Variants in LAMA2 observed in about 807,000 individuals in gnomAD.
LAMA2 encodes laminin subunit alpha-2.
In LAMA2, 269 loss-of-function variants were observed where a neutral mutation model predicts 364.8. That is an observed-to-expected ratio of 0.74 (90% CI 0.67 to 0.82). The LOEUF is 0.82. Among genes scored for constraint, LAMA2 ranks in the 40% least tolerant of loss-of-function variants. The pLI, the probability that LAMA2 is intolerant of heterozygous loss-of-function variation, is 0.00. For missense variants in LAMA2, 3,807 were observed against 3,873.2 expected (o/e 0.98, Z 0.45); for synonymous variants, 1,379 against 1,370.6 (o/e 1.01, Z -0.14).
Position 129,516,223 on chromosome 6 carries a change from T to A in LAMA2, c.9245T>A (p.Ile3082Asn), listed in dbSNP as rs772362189. Residue 3082 changes from isoleucine (I) to asparagine (N), a missense_variant, in exon 65 of 65, where the codon ATT becomes AAT. Ile to Asn is a moderately radical substitution (Grantham distance 149). Transcript: ENST00000421865. ...DLKQFGLTTS[I>N]PFRGCIRSLK... ...AAGCAGTTTGGCCTAACAACCAGTATTCCGTTCCGAGGTTGCATCAGATCC... is the reference window on the plus strand; with the variant it reads ...AAGCAGTTTGGCCTAACAACCAGTAATCCGTTCCGAGGTTGCATCAGATCC... 2 of 1,614,108 alleles carry A rather than the reference T, an allele frequency of 1.2e-6. No individual in the cohort carries two copies. Among genetic ancestry groups the A allele is most frequent in the Middle Eastern group, 1.6e-4 (1 of 6,062 alleles).
At chr6:129,088,320 G>C (rs1010967705) in intron 3 of LAMA2, among the ~76,000 whole-genome samples, 1 of 151,882 alleles carries the variant, frequency 6.6e-6, no homozygotes, top group Non-Finnish European at 1.5e-5. Context: ...GCAACAATCT[G>C]ATTTCTCTAT....
chr6:129,456,330 T>G lies in LAMA2; in HGVS notation c.6708-5T>G. ...TCCCCTTCACTTCAACACGTACCCTTGAAGAACTGGGAGAAATGGAACTAT... is the reference window on the plus strand; with the variant it reads ...TCCCCTTCACTTCAACACGTACCCTGGAAGAACTGGGAGAAATGGAACTAT... On this transcript the variant is annotated splice_polypyrimidine_tract_variant and splice_region_variant and intron_variant, in intron 47 of 64. Coordinates refer to ENST00000421865, the MANE Select transcript of LAMA2 (RefSeq NM_000426.4). 4.3e-6 allele frequency: 7 copies of G among 1,613,264 alleles called. No homozygotes were observed. Among genetic ancestry groups the G allele is most frequent in the Non-Finnish European group, 5.9e-6 (7 of 1,179,384 alleles).
chr6:128,937,796 T>C (rs1779917677), intron 1 of LAMA2, among the ~76,000 whole-genome samples: 1 of 152,082 alleles, frequency 6.6e-6, no homozygotes. Context: ...TTATTTATGC[T>C]CTAATATGTA....
At chr6:129,146,711 A>G (rs939620065) in intron 5 of LAMA2, among the ~76,000 whole-genome samples, 1 of 152,024 alleles carries the variant, frequency 6.6e-6, no homozygotes, top group Admixed American at 6.6e-5. Context: ...CTTGGTGCTG[A>G]CTGGGAAAAA....
At chr6:129,118,084 T>C (rs577606965) in intron 4 of LAMA2, among the ~76,000 whole-genome samples, 10 of 152,272 alleles carry the variant, frequency 6.6e-5, no homozygotes, top group African/African-American at 2.4e-4. Flanking sequence ...TCAGTGTGAC[T>C]CCCTGCCAAA....
intron 37 of LAMA2, among the ~76,000 whole-genome samples, chr6:129,399,730 C>T (rs1779858976): frequency 6.6e-6 from 1 of 152,088 alleles, no homozygotes; most frequent in African/African-American, 2.4e-5. Context: ...TCTGCAAGTG[C>T]AAAGGCTTAG....
At chr6:129,127,389 G>A (rs1320143401) in intron 4 of LAMA2, among the ~76,000 whole-genome samples, 9 of 152,260 alleles carry the variant, frequency 5.9e-5, no homozygotes, top group African/African-American at 1.7e-4. Flanking sequence ...GTATTTCATC[G>A]TGTATGTGTA....
chr6:129,284,478 T>C (rs1788955798), intron 18 of LAMA2, among the ~76,000 whole-genome samples: 1 of 152,208 alleles, frequency 6.6e-6, no homozygotes, highest in South Asian at 2.1e-4. Flanking sequence ...GTGAAGACTG[T>C]ACCTTATTTG....
intron 1 of LAMA2, among the ~76,000 whole-genome samples, chr6:128,997,259 T>C (rs1303148752): frequency 1.3e-5 from 2 of 149,510 alleles, no homozygotes; most frequent in Non-Finnish European, 3.0e-5. Context: ...ATTTTGCACA[T>C]GTATCCCAGA....
At chr6:129,496,318 C>T (rs900645185) in intron 58 of LAMA2, among the ~76,000 whole-genome samples, 3 of 152,130 alleles carry the variant, frequency 2.0e-5, no homozygotes, top group Non-Finnish European at 4.4e-5. Flanking sequence ...GGGCATGCAC[C>T]ACCACTCTTG....
At chr6:129,252,828 G>A (rs1786364566) in intron 14 of LAMA2, among the ~76,000 whole-genome samples, 1 of 152,146 alleles carries the variant, frequency 6.6e-6, no homozygotes, top group Non-Finnish European at 1.5e-5. Flanking sequence ...ATGAACTTTG[G>A]AGCCAAACTG....
chr6:129,507,671 A>G (rs938987536), intron 62 of LAMA2, 29 bp downstream of exon 62: 2 of 1,607,864 alleles, frequency 1.2e-6, no homozygotes, highest in African/African-American at 2.7e-5. Flanking sequence ...CTTCCTGTTG[A>G]TTATTAACTA....
intron 4 of LAMA2, among the ~76,000 whole-genome samples, chr6:129,140,354 C>T (rs191611996): frequency 2.7e-4 from 41 of 152,086 alleles, no homozygotes; most frequent in Non-Finnish European, 4.7e-4. Flanking sequence ...AAGGTTTCCC[C>T]CCCTTTATTT....
At chr6:129,506,926 G>A (rs145347362) in intron 61 of LAMA2, among the ~76,000 whole-genome samples, 105 of 152,202 alleles carry the variant, frequency 6.9e-4, no homozygotes, top group South Asian at 1.5e-3. Context: ...ATGGACCAGA[G>A]TGTGATTGAG....
At chr6:129,231,464 G>A (rs1028882133) in intron 12 of LAMA2, among the ~76,000 whole-genome samples, 4 of 152,092 alleles carry the variant, frequency 2.6e-5, no homozygotes, top group Non-Finnish European at 5.9e-5. Flanking sequence ...GTGCCATGAA[G>A]TATGAATTAT....
Position 129,315,465 on chromosome 6 carries a change from AC to A in LAMA2, c.3556-7del, listed in dbSNP as rs762614739. 2.5e-5 allele frequency: 40 copies of A among 1,613,538 alleles called. No individual in the cohort carries two copies. Among genetic ancestry groups the A allele is most frequent in the Non-Finnish European group, 3.4e-5 (40 of 1,179,544 alleles). On this transcript the variant is annotated splice_polypyrimidine_tract_variant and intron_variant, in intron 24 of 64. Coordinates refer to ENST00000421865, the MANE Select transcript of LAMA2 (RefSeq NM_000426.4). ...AAATTCAGCCTTCTGCTGTATTTTG[AC>A]CCCTTGCAGGTGACTCTGAAGGCTG...
At chr6:128,912,228 G>A (rs1406449630) in intron 1 of LAMA2, among the ~76,000 whole-genome samples, 1 of 152,140 alleles carries the variant, frequency 6.6e-6, no homozygotes, top group African/African-American at 2.4e-5. Context: ...TTTTCTAAAT[G>A]AAGGCATGAT....
At chr6:129,291,478 G>T in intron 19 of LAMA2, 136 bp from the exon 20 acceptor site, 6 of 707,678 alleles carry the variant, frequency 8.5e-6, no homozygotes, top group Non-Finnish European at 1.3e-5. Context: ...GCCTAACAGG[G>T]CACTTAACAA....
intron 40 of LAMA2, among the ~76,000 whole-genome samples, chr6:129,410,731 T>TAGATAGAC (rs1448061398): frequency 5.1e-5 from 2 of 39,332 alleles, no homozygotes; most frequent in African/African-American, 3.1e-4. Context: ...GATAGATAGA[T>TAGATAGAC]AGATAGATAG....
Sources: allele counts gnomAD v4.1 joint callset (sites outside exome capture counted in the v4.1 genomes callset), GRCh38; gene constraint gnomAD v4.1.1; transcripts MANE v1.5; gene names NCBI Gene and HGNC (gene_info 2026-07-23, HGNC 2026-07-21).